USP54: variants seen among roughly 807,000 people sequenced by gnomAD.
USP54 encodes ubiquitin carboxyl-terminal hydrolase 54.
In USP54, 87 loss-of-function variants were observed where a neutral mutation model predicts 170.5. The ratio of observed to expected loss-of-function variants is 0.51; its 90% CI spans 0.43 to 0.61. The LOEUF is 0.61. USP54 is among the 20% of genes least tolerant of loss of function. The pLI is 0.00. For missense variants in USP54, 1,786 were observed against 2,047.8 expected (o/e 0.87, Z 2.47); for synonymous variants, 655 against 742.8 (o/e 0.88, Z 1.92).
chr10:73,557,528 C>T (rs191960662), intron 4 of USP54, among the ~76,000 whole-genome samples: 117 of 151,696 alleles, frequency 7.7e-4, no homozygotes, highest in African/African-American at 2.7e-3. Flanking sequence ...ACTCTGTCGC[C>T]AGGCTGCAGT....
chr10:73,554,492 G>A (rs1239926099), intron 4 of USP54, among the ~76,000 whole-genome samples: 2 of 152,140 alleles, frequency 1.3e-5, no homozygotes, highest in South Asian at 4.1e-4. Context: ...GAAAAGAGAC[G>A]TTCACTTGGT....
chr10:73,536,578 TCA>T, intron 10 of USP54, 141 bp from the exon 11 acceptor site: 1 of 960,534 alleles, frequency 1.0e-6, no homozygotes, highest in South Asian at 3.7e-5. Context: ...AAAAAAGATC[TCA>T]GACCTAACAC....
chr10:73,526,702 C>T lies in USP54; in HGVS notation c.2139G>A (p.Leu713=). 6.2e-7 allele frequency: 1 copy of T among 1,614,180 alleles called. No homozygotes were observed. Among genetic ancestry groups the T allele is most frequent in the Non-Finnish European group, 8.5e-7 (1 of 1,180,018 alleles). The change falls in exon 16 of 24, where the codon CTG becomes CTA. Residue 713 remains leucine, a synonymous_variant. Transcript: ENST00000687698. The part of the protein sequence containing the change: ...HIPKSHSSSI[L]EVDSTASMGG... ...CCATGGATGCTGTGGAGTCTACCTC[C>T]AGGATGCTACTGCTGTGCGACTTTG...
chr10:73,521,040 G>A lies in USP54; in HGVS notation c.2363-13C>T. 6.2e-7 allele frequency: 1 copy of A among 1,613,134 alleles called. No homozygotes were observed. The highest frequency in any genetic ancestry group is 1.7e-5 in the Admixed American group (1 of 60,010). On this transcript the variant is annotated splice_polypyrimidine_tract_variant and intron_variant, in intron 17 of 23. Transcript: ENST00000687698. The stretch of plus-strand genomic sequence containing the variant: ...CCGTCACTCCTCCCTGAAAGGGCCA[G>A]CACTTTTCATTTTCATTACAATTCA...
At chr10:73,603,331 G>GA (rs1175109441) in intron 1 of USP54, among the ~76,000 whole-genome samples, 2 of 152,238 alleles carry the variant, frequency 1.3e-5, no homozygotes, top group Non-Finnish European at 2.9e-5. Context: ...ACAGAACTGT[G>GA]AATCAAAGGA....
intron 1 of USP54, among the ~76,000 whole-genome samples, chr10:73,605,756 C>T (rs934533683): frequency 3.3e-5 from 5 of 152,074 alleles, no homozygotes; most frequent in African/African-American, 1.2e-4. Flanking sequence ...ATACCAATGA[C>T]TCCATTATAT....
intron 1 of USP54, among the ~76,000 whole-genome samples, chr10:73,586,700 T>G (rs904503705): frequency 1.5e-4 from 23 of 152,220 alleles, no homozygotes; most frequent in African/African-American, 5.3e-4. Flanking sequence ...TAATAGTGAC[T>G]ATATAAATGG....
chr10:73,501,285 T>G (rs147194728), intron 22 of USP54, among the ~76,000 whole-genome samples: 73 of 152,338 alleles, frequency 4.8e-4, no homozygotes, highest in African/African-American at 1.7e-3. Context: ...CTACCCCATC[T>G]TCTCTCCTGT....
Position 73,523,718 on chromosome 10 carries a change from C to G in USP54, c.2227G>C (p.Glu743Gln), listed in dbSNP as rs911478294. The G allele has an allele frequency of 2.5e-6, 4 of 1,613,782 alleles. No homozygotes were observed. In the Admixed American group the frequency reaches 6.7e-5, roughly 27 times the overall value. Residue 743 changes from glutamate (E) to glutamine (Q), a missense_variant, in exon 17 of 24, where the codon GAA (glutamate) becomes CAA (glutamine). Around this residue, in one of 3 missense-constraint regions of USP54, gnomAD observed 1,418 missense variants for 1,569.0 expected, o/e 0.90. Transcript: ENST00000687698. ...CTCCTGGCCACCTCTTCCTGCAATT[C>G]ATCCAGTTCACTTTTAGAAGATATC... ...EEISSKSELD[E>Q]LQEEVARRAQ...
intron 4 of USP54, among the ~76,000 whole-genome samples, chr10:73,563,599 A>C (rs997820810): frequency 6.6e-6 from 1 of 151,756 alleles, no homozygotes; most frequent in Admixed American, 6.6e-5. Flanking sequence ...CACCACGCCC[A>C]GCTAATTTTG....
At chr10:73,601,722 A>G (rs2079179016) in intron 1 of USP54, among the ~76,000 whole-genome samples, 1 of 152,136 alleles carries the variant, frequency 6.6e-6, no homozygotes, top group Non-Finnish European at 1.5e-5. Context: ...AGTGACACCC[A>G]CAACCTGTAC....
intron 1 of USP54, among the ~76,000 whole-genome samples, chr10:73,614,554 C>A (rs2080451297): frequency 7.3e-6 from 1 of 137,780 alleles, no homozygotes. Flanking sequence ...AAGTGAGACT[C>A]CGTCTCCAAA....
intron 4 of USP54, among the ~76,000 whole-genome samples, chr10:73,560,186 A>C (rs1235887256): frequency 6.6e-6 from 1 of 152,182 alleles, no homozygotes; most frequent in Non-Finnish European, 1.5e-5. Context: ...CCCACACTGG[A>C]AACACCACAA....
At chr10:73,525,845 G>C (rs2062752595) in intron 16 of USP54, among the ~76,000 whole-genome samples, 1 of 152,176 alleles carries the variant, frequency 6.6e-6, no homozygotes, top group Non-Finnish European at 1.5e-5. Flanking sequence ...CTTTCTTCCT[G>C]CTACCTCTAA....
At chr10:73,519,063 C>T (rs930296590) in intron 19 of USP54, 1 of 150,442 alleles carries the variant, frequency 6.6e-6, no homozygotes, top group African/African-American at 2.5e-5. Context: ...AACATTGAAC[C>T]CAGGAGGTTG....
intron 16 of USP54, 92 bp from the exon 17 acceptor site, chr10:73,523,842 G>C: frequency 1.1e-6 from 1 of 937,886 alleles, no homozygotes; most frequent in Non-Finnish European, 1.5e-6. Context: ...TTTCCTTTTG[G>C]AATTCTTGCT....
chr10:73,614,561 CA>C lies in USP54; in HGVS notation c.-18+11005del, dbSNP rs60519884. On this transcript the variant is annotated intron_variant, in intron 1 of 22. Transcript: ENST00000339859. ...GGCAACAAAAGTGAGACTCCGTCTC[CA>C]AAAAAAAAAAAAAAAAAAAAGGAAA... Among the ~76,000 whole-genome samples, 266 of 50,228 alleles carry C rather than the reference CA, an allele frequency of 5.3e-3. 1 individual carries two copies. The highest frequency in any genetic ancestry group is 0.014 in the Admixed American group (66 of 4,646). The allele number at this position is 50,228 out of a possible 152,430, so 33.0% of individuals were successfully genotyped here.
At chr10:73,560,174 T>C (rs1435506379) in intron 4 of USP54, among the ~76,000 whole-genome samples, 1 of 152,164 alleles carries the variant, frequency 6.6e-6, no homozygotes. Context: ...TATAAAATTA[T>C]ACCCACACTG....
chr10:73,519,256 A>G (rs2061546060), intron 19 of USP54: 1 of 155,152 alleles, frequency 6.4e-6, no homozygotes, highest in Non-Finnish European at 1.4e-5. Flanking sequence ...ATTCTAAGTA[A>G]AAGCCAAATT....
Sources: allele counts gnomAD v4.1 joint callset (sites outside exome capture counted in the v4.1 genomes callset), GRCh38; gene constraint gnomAD v4.1.1; regional missense constraint gnomAD v4.1.1; transcripts MANE v1.5; gene names NCBI Gene and HGNC (gene_info 2026-07-23, HGNC 2026-07-21).